C10orf53: variants seen among roughly 807,000 people sequenced by gnomAD.
C10orf53 encodes UPF0728 protein C10orf53.
Under a neutral mutation model 9.4 loss-of-function variants are expected in C10orf53, and 8 were observed. The ratio of observed to expected loss-of-function variants is 0.85; its 90% confidence interval spans 0.50 to 1.53. The LOEUF (loss-of-function observed/expected upper bound fraction) is 1.53, where lower values mean the gene tolerates loss of function less well. C10orf53 is among the 40% of genes most tolerant of loss of function. C10orf53 has a pLI of 0.00. For synonymous variants in C10orf53, 48 were observed against 46.0 expected, an observed-to-expected ratio of 1.04 and a Z score of -0.18; for missense variants, 117 against 117.8, an observed-to-expected ratio of 0.99 and a Z score of 0.03.
At chr10:49,687,004 C>A (rs772796003) in intron 1 of C10orf53, among the ~76,000 whole-genome samples, 91 of 152,230 alleles carry the variant, frequency 6.0e-4, no homozygotes, top group Non-Finnish European at 3.8e-4. Context: ...CAAGGGCAGG[C>A]AAACATGCCA....
rs771723240 is a variant in C10orf53, at chr10:49,693,801, T to C, written c.125T>C (p.Val42Ala). The C allele has an allele frequency of 6.2e-7, 1 of 1,613,876 alleles. No individual in the cohort carries two copies. The highest frequency in any genetic ancestry group is 8.5e-7 in the Non-Finnish European group (1 of 1,179,778). ...QAVLAIDGHE[V>A]ILEKIEDWNV... ...GTGTTGGCCATAGATGGACATGAGG[T>C]CATCCTAGAGAAGATAGAAGACTGG... Residue 42 changes from valine (V) to alanine (A), a missense_variant, in exon 2 of 3, where the codon GTC becomes GCC. Physicochemically the swap from Val to Ala is moderately conservative, Grantham distance 64. Transcript: ENST00000374111.
intron 2 of C10orf53, among the ~76,000 whole-genome samples, chr10:49,705,748 A>G (rs1028046700): frequency 2.0e-5 from 3 of 152,244 alleles, no homozygotes; most frequent in African/African-American, 7.2e-5. Flanking sequence ...AAACCAAAAC[A>G]CAAACAAAAG....
downstream of C10orf53, among the ~76,000 whole-genome samples, chr10:49,697,711 C>T (rs1225293525): frequency 6.6e-6 from 1 of 152,048 alleles, no homozygotes; most frequent in African/African-American, 2.4e-5. Flanking sequence ...GCCACCAAGC[C>T]CAGCTAATTT....
At chr10:49,694,224 C>A in intron 2 of C10orf53, 1 of 574,316 alleles carries the variant, frequency 1.7e-6, no homozygotes, top group South Asian at 2.5e-5. Flanking sequence ...TATTTGCTTT[C>A]GAAGCTGCTT....
At chr10:49,700,457 T>C (rs1237342188), downstream of C10orf53, among the ~76,000 whole-genome samples, 1 of 152,106 alleles carries the variant, frequency 6.6e-6, no homozygotes, top group Non-Finnish European at 1.5e-5. Flanking sequence ...ACCAGGGAAA[T>C]GGGATGTTTC....
chr10:49,705,116 T>C (rs1157066838), intron 2 of C10orf53, among the ~76,000 whole-genome samples: 1 of 152,228 alleles, frequency 6.6e-6, no homozygotes, highest in South Asian at 2.1e-4. Context: ...TTTGGAGTAC[T>C]GTTATGGAAA....
intron 1 of C10orf53, 23 bp from the exon 2 acceptor site, chr10:49,693,751 A>T: frequency 6.2e-7 from 1 of 1,609,918 alleles, no homozygotes; most frequent in South Asian, 1.1e-5. Flanking sequence ...CATGTCACTC[A>T]CCTCCTTTTC....
At chr10:49,686,285 C>T (rs1257127321) in intron 1 of C10orf53, among the ~76,000 whole-genome samples, 1 of 152,178 alleles carries the variant, frequency 6.6e-6, no homozygotes, top group Admixed American at 6.5e-5. Flanking sequence ...TTACTTTAAT[C>T]TCTTAATCCT....
intron 2 of C10orf53, 52 bp downstream of exon 2, chr10:49,693,945 C>T (rs901140389): frequency 6.2e-7 from 1 of 1,610,356 alleles, no homozygotes; most frequent in Admixed American, 1.7e-5. Flanking sequence ...TCTGAGGAGT[C>T]CCTCAATTTC....
Position 49,697,272 on chromosome 10 carries a change from TTCTC to T in C10orf53, c.*2672_*2675del, listed in dbSNP as rs919522871. 3.9e-5 allele frequency among the ~76,000 whole-genome samples: 6 copies of T among 152,142 alleles called. No individual in the cohort carries two copies. Among genetic ancestry groups the T allele is most frequent in the African/African-American group, 1.4e-4 (6 of 41,436 alleles). ...CCTCTGTCACTGATTAAGAGGAACT[TTCTC>T]TATGGAAATCTCTGAAGAATGTGCT... On this transcript the variant is annotated 3_prime_UTR_variant, in exon 3 of 3. Transcript: ENST00000374111.
At chr10:49,698,884 GACA>G (rs1219339387), downstream of C10orf53, among the ~76,000 whole-genome samples, 5 of 152,280 alleles carry the variant, frequency 3.3e-5, no homozygotes, top group East Asian at 7.7e-4. Context: ...GCTGGTGTAA[GACA>G]ACAACAGGGT....
intron 1 of C10orf53, among the ~76,000 whole-genome samples, chr10:49,685,691 A>G (rs1408045968): frequency 1.3e-5 from 2 of 152,076 alleles, no homozygotes; most frequent in African/African-American, 4.8e-5. Flanking sequence ...ATGGATTCTG[A>G]TGAGAAAGCT....
chr10:49,704,379 C>T (rs190806733), intron 2 of C10orf53, among the ~76,000 whole-genome samples: 47 of 152,220 alleles, frequency 3.1e-4, no homozygotes, highest in African/African-American at 1.0e-3. Context: ...GAAAAGGAAA[C>T]ATAAAAAGTA....
chr10:49,703,058 G>A (rs1362646388), intron 2 of C10orf53, among the ~76,000 whole-genome samples: 1 of 152,032 alleles, frequency 6.6e-6, no homozygotes, highest in East Asian at 1.9e-4. Context: ...GGTCGCCGGG[G>A]GCCTCCCACT....
At chr10:49,692,979 A>G (rs1264905858) in intron 1 of C10orf53, among the ~76,000 whole-genome samples, 1 of 152,234 alleles carries the variant, frequency 6.6e-6, no homozygotes, top group Non-Finnish European at 1.5e-5. Flanking sequence ...CCATAATCTC[A>G]CCACAGACAG....
chr10:49,698,811 G>A (rs75537676), downstream of C10orf53, among the ~76,000 whole-genome samples: 3,457 of 152,184 alleles, frequency 0.023, 84 homozygotes, highest in African/African-American at 0.062. Flanking sequence ...CTTCTCCCCC[G>A]TGCAAATCAG....
At chr10:49,693,199 T>C (rs1386879933) in intron 1 of C10orf53, among the ~76,000 whole-genome samples, 1 of 152,234 alleles carries the variant, frequency 6.6e-6, no homozygotes, top group Non-Finnish European at 1.5e-5. Context: ...TTGGCCGTCC[T>C]CTCATTATTG....
chr10:49,691,798 T>A (rs1211084792), intron 1 of C10orf53, among the ~76,000 whole-genome samples: 1 of 152,210 alleles, frequency 6.6e-6, no homozygotes, highest in Non-Finnish European at 1.5e-5. Flanking sequence ...TCCTGGGGCC[T>A]CCACCCGTAG....
chr10:49,685,624 T>C (rs1190159166), intron 1 of C10orf53, among the ~76,000 whole-genome samples: 2 of 152,082 alleles, frequency 1.3e-5, no homozygotes, highest in African/African-American at 4.8e-5. Context: ...ATACAACAGG[T>C]TCTTGTTTTT....
Sources: allele counts gnomAD v4.1 joint callset (sites outside exome capture counted in the v4.1 genomes callset), GRCh38; gene constraint gnomAD v4.1.1; transcripts MANE v1.5; gene names NCBI Gene and HGNC (gene_info 2026-07-23, HGNC 2026-07-21).